The following ANKRD46 variants were observed in gnomAD, a reference collection of about 807,000 sequenced individuals.
The protein encoded by ANKRD46 is ankyrin repeat domain 46.
A neutral mutation model predicts 19.8 loss-of-function variants in ANKRD46; 13 were observed. That is an observed-to-expected ratio of 0.66 (90% CI 0.43 to 1.04). ANKRD46 has a LOEUF of 1.04. ANKRD46 is among the 50% of genes least tolerant of loss of function. The pLI is 0.00. For missense variants in ANKRD46, 185 were observed against 274.8 expected, an observed-to-expected ratio of 0.67 and a Z score of 2.31; for synonymous variants, 91 against 106.9, an observed-to-expected ratio of 0.85 and a Z score of 0.92.
At chr8:100,548,110 G>GAA (rs11439843) in intron 1 of ANKRD46, among the ~76,000 whole-genome samples, 57 of 147,192 alleles carry the variant, frequency 3.9e-4, no homozygotes, top group Middle Eastern at 3.4e-3. Context: ...TCTCAATACA[G>GAA]AAAAAAAAAA....
chr8:100,525,573 G>A lies in ANKRD46; in HGVS notation c.470+2272C>T, dbSNP rs1420047722. Among the ~76,000 whole-genome samples the A allele has an allele frequency of 1.3e-5, 2 of 152,134 alleles. No individual in the cohort carries two copies. Among genetic ancestry groups the A allele is most frequent in the African/African-American group, 4.8e-5 (2 of 41,420 alleles). On this transcript the variant is annotated intron_variant, in intron 4 of 4. Transcript: ENST00000335659. This position sits in a 1 kb window ranked among gnomAD's most constrained non-coding sequence, Gnocchi z 4.4. ...TCAAAATTTATCCATGCTGTAGCATGTATCAGTATAATATAATAATATTAG... is the reference window on the plus strand; with the variant it reads ...TCAAAATTTATCCATGCTGTAGCATATATCAGTATAATATAATAATATTAG...
At chr8:100,556,640 A>G (rs747747682) in intron 1 of ANKRD46, 2 of 152,128 alleles carry the variant, frequency 1.3e-5, no homozygotes, top group Non-Finnish European at 2.9e-5. Flanking sequence ...AACCACACCA[A>G]TCAGGTTTTC....
intron 1 of ANKRD46, among the ~76,000 whole-genome samples, chr8:100,548,586 CAGT>C (rs1184198060): frequency 2.9e-4 from 44 of 152,336 alleles, no homozygotes; most frequent in African/African-American, 1.0e-3. Flanking sequence ...ACACTATCCA[CAGT>C]ATTTCGCATT....
intron 3 of ANKRD46, among the ~76,000 whole-genome samples, chr8:100,528,915 T>C (rs1274860999): frequency 6.6e-6 from 1 of 152,142 alleles, no homozygotes; most frequent in Non-Finnish European, 1.5e-5. Context: ...AGAGTATCAC[T>C]AAAACAAACA....
Position 100,550,843 on chromosome 8 carries a change from TG to T in ANKRD46, c.-131+8867del. 2.1e-6 allele frequency: 1 copy of T among 475,198 alleles called. No homozygotes were observed. Among genetic ancestry groups the T allele is most frequent in the Non-Finnish European group, 4.0e-6 (1 of 248,950 alleles). The allele number at this position is 475,198 out of a possible 1,614,324, so 29.4% of individuals were successfully genotyped here. On this transcript the variant is annotated intron_variant, in intron 1 of 4. Transcript: ENST00000335659. The surrounding 1 kb of genome is among the most constrained non-coding windows in gnomAD (Gnocchi z 4.4). ...GCAATGGCAGCCCCAGCATCGAAAG[TG>T]GAAGAGTGAGTGTCACTGTTAAAGT...
chr8:100,509,847 A>C (rs1049615821), exon 6 of ANKRD46: 1 of 152,234 alleles, frequency 6.6e-6, no homozygotes, highest in Non-Finnish European at 1.5e-5. Flanking sequence ...TCTGGGCAGG[A>C]GACAATTTAG....
rs902448218 is a variant in ANKRD46 at position 100,524,275 on chromosome 8, T to C, written c.471-1504A>G. Among the ~76,000 whole-genome samples, 2 of 152,200 alleles carry C rather than the reference T, an allele frequency of 1.3e-5. No individual in the cohort carries two copies. Among genetic ancestry groups the C allele is most frequent in the Admixed American group, 6.5e-5 (1 of 15,288 alleles). ...ATCATAGGAATCAACTATCTACTGG[T>C]TATCAAAGTTCATTACTATCCTTCC... On this transcript the variant is annotated intron_variant, in intron 4 of 4. Coordinates refer to ENST00000335659, the MANE Select transcript of ANKRD46 (RefSeq NM_001270377.2). This position sits in a 1 kb window ranked among gnomAD's most constrained non-coding sequence, Gnocchi z 4.3.
At chr8:100,558,229 C>T (rs545492584) in intron 1 of ANKRD46, among the ~76,000 whole-genome samples, 29 of 152,298 alleles carry the variant, frequency 1.9e-4, no homozygotes, top group African/African-American at 6.5e-4. Context: ...CCTTTGTTTT[C>T]CATAGTAACA....
intron 5 of ANKRD46, among the ~76,000 whole-genome samples, chr8:100,514,269 C>T (rs1017156364): frequency 1.3e-5 from 2 of 152,024 alleles, no homozygotes; most frequent in African/African-American, 2.4e-5. Flanking sequence ...TAAAGGGATA[C>T]TGTGAAAAAG....
rs1032946910 is a variant in ANKRD46 at position 100,536,507 on chromosome 8, G to A, written c.-130-3196C>T. Among the ~76,000 whole-genome samples the A allele has an allele frequency of 2.0e-5, 3 of 152,160 alleles. No homozygotes were observed. Among genetic ancestry groups the A allele is most frequent in the African/African-American group, 7.2e-5 (3 of 41,434 alleles). On this transcript the variant is annotated intron_variant, in intron 1 of 4. Coordinates refer to ENST00000335659, the MANE Select transcript of ANKRD46 (RefSeq NM_001270377.2). The surrounding 1 kb of genome is among the most constrained non-coding windows in gnomAD (Gnocchi z 4.9). ...TATTATCCTTTTCAGGCTAGACACA[G>A]CTCTGGGGAGACAGTCCTCAGCCAT...
chr8:100,538,333 G>C (rs983995222), intron 1 of ANKRD46, among the ~76,000 whole-genome samples: 1 of 152,112 alleles, frequency 6.6e-6, no homozygotes, highest in African/African-American at 2.4e-5. Flanking sequence ...GAAAAAAATT[G>C]CATCTATACT....
Position 100,521,293 on chromosome 8 carries a change from T to A in ANKRD46, c.*1262A>T. On this transcript the variant is annotated 3_prime_UTR_variant, in exon 5 of 5. Coordinates refer to ENST00000335659, the MANE Select transcript of ANKRD46 (RefSeq NM_001270377.2). ...ATTAGCAATAGCTTAGGTGCCTTTA[T>A]TCCAAAAAACAAAACCATTAGTTCT... The A allele has an allele frequency of 1.0e-6, 1 of 985,360 alleles. No homozygotes were observed. Among genetic ancestry groups the A allele is most frequent in the African/African-American group, 1.7e-5 (1 of 57,336 alleles). The allele number at this position is 985,360 out of a possible 1,614,324, so 61.0% of individuals were successfully genotyped here.
In ANKRD46 at chr8:100,529,315, T is replaced by C. The variant is rs28545774; in HGVS notation, c.311+208A>G. Among the ~76,000 whole-genome samples the C allele has an allele frequency of 2.7e-3, 405 of 152,342 alleles. 1 individual carries two copies. Among genetic ancestry groups the C allele is most frequent in the Middle Eastern group, 0.01 (3 of 294 alleles). ...TAGCAGAAACTACCTACTATTTTCA[T>C]AGAAAAAAATATGCTGCTTTAGCAA... is the stretch of plus-strand genomic sequence containing the variant. On this transcript the variant is annotated intron_variant, in intron 3 of 4. Transcript: ENST00000335659. The surrounding 1 kb of genome is among the most constrained non-coding windows in gnomAD (Gnocchi z 5.8).
rs1002952159 is a variant in ANKRD46, at chr8:100,543,694, T to C, written c.-130-10383A>G. Among the ~76,000 whole-genome samples the C allele has an allele frequency of 6.6e-6, 1 of 152,140 alleles. No homozygotes were observed. The highest frequency in any genetic ancestry group is 2.4e-5 in the African/African-American group (1 of 41,448). On this transcript the variant is annotated intron_variant, in intron 1 of 4. Transcript: ENST00000335659. The surrounding 1 kb of genome is among the most constrained non-coding windows in gnomAD (Gnocchi z 4.2). ...GGATTTGGGGAAATGAACTATAATA[T>C]GAAATGTTATATCTTAAACTGTAGA...
chr8:100,547,141 G>C (rs1812288969), intron 1 of ANKRD46, among the ~76,000 whole-genome samples: 2 of 152,206 alleles, frequency 1.3e-5, no homozygotes, highest in African/African-American at 4.8e-5. Flanking sequence ...GATTGGTTTT[G>C]AAATGTGAAA....
rs543375969 is a variant in ANKRD46, at chr8:100,535,960, T to C, written c.-130-2649A>G. On this transcript the variant is annotated intron_variant, in intron 1 of 4. Coordinates refer to ENST00000335659, the MANE Select transcript of ANKRD46 (RefSeq NM_001270377.2). ...GACCTGAAGATTGTGACTAAAAGAC[T>C]GTTGAGCATGAAGATGTCTATTTCC... Among the ~76,000 whole-genome samples, 5 of 152,118 alleles carry C rather than the reference T, an allele frequency of 3.3e-5. No homozygotes were observed. In the South Asian group the frequency reaches 8.3e-4, roughly 25 times the overall value.
chr8:100,535,486 T>C (rs945701502), intron 1 of ANKRD46, among the ~76,000 whole-genome samples: 1 of 152,252 alleles, frequency 6.6e-6, no homozygotes, highest in Non-Finnish European at 1.5e-5. Flanking sequence ...ATAGTCAAGA[T>C]ACAGAACATT....
At chr8:100,555,552 A>G (rs978030818) in intron 1 of ANKRD46, among the ~76,000 whole-genome samples, 1 of 151,352 alleles carries the variant, frequency 6.6e-6, no homozygotes, top group African/African-American at 2.4e-5. Flanking sequence ...AGCAGTAAGG[A>G]AATCAGTGAT....
At position 100,529,746 on chromosome 8, in the gene ANKRD46, G is replaced by A. The variant is rs766524755; in HGVS notation, c.88C>T (p.Arg30Trp). 5.6e-6 allele frequency: 9 copies of A among 1,614,210 alleles called. No individual in the cohort carries two copies. The highest frequency in any genetic ancestry group is 7.6e-6 in the Non-Finnish European group (9 of 1,180,042). ...GGGTCAAAGCCACTTTCCAAAAGCC[G>A]CTTGGAATAATTAAAGTCCCCATCA... is the stretch of plus-strand genomic sequence containing the variant. ...CIDGDFNYSKRLLESGFDPNI... is the reference protein window; with the variant it reads ...CIDGDFNYSKWLLESGFDPNI... Residue 30 changes from arginine to tryptophan, a missense_variant, in exon 3 of 5, where the codon CGG becomes TGG. Coordinates refer to ENST00000335659, the MANE Select transcript of ANKRD46 (RefSeq NM_001270377.2). The surrounding 1 kb of genome is among the most constrained non-coding windows in gnomAD (Gnocchi z 5.8).
Sources: gnomAD v4.1 joint callset for allele counts (sites outside exome capture counted in the v4.1 genomes callset) on GRCh38, gnomAD v4.1.1 for gene constraint, Gnocchi (gnomAD v3.1) non-coding constraint, MANE v1.5 for transcripts, NCBI Gene and HGNC (gene_info 2026-07-23, HGNC 2026-07-21) for gene names.